The following GMDS variants were observed in gnomAD, a reference collection of about 807,000 sequenced individuals.
The protein encoded by GMDS is GDP-mannose 4,6 dehydratase.
Under a neutral mutation model 49.9 loss-of-function variants are expected in GMDS, and 20 were observed. The observed-to-expected ratio is 0.40, with a 90% CI of 0.28 to 0.58. The LOEUF (loss-of-function observed/expected upper bound fraction) is 0.58, where lower values mean the gene tolerates loss of function less well. Among genes scored for constraint, GMDS ranks in the 20% least tolerant of loss-of-function variants. The pLI, the probability that GMDS is intolerant of heterozygous loss-of-function variation, is 0.42. For synonymous variants in GMDS, 177 were observed against 178.6 expected, an observed-to-expected ratio of 0.99 and a Z score of 0.07; for missense variants, 362 against 481.4, an observed-to-expected ratio of 0.75 and a Z score of 2.32.
intron 9 of GMDS, among the ~76,000 whole-genome samples, chr6:1,699,804 G>C (rs1581475852): frequency 6.6e-6 from 1 of 151,938 alleles, no homozygotes; most frequent in African/African-American, 2.4e-5. Flanking sequence ...ATTAGCATGG[G>C]GACTTCCTTG....
At chr6:1,868,374 T>A (rs373935851) in intron 7 of GMDS, among the ~76,000 whole-genome samples, 1 of 152,186 alleles carries the variant, frequency 6.6e-6, no homozygotes, top group South Asian at 2.1e-4. Flanking sequence ...GAACATATTT[T>A]CCTACATGGA....
At chr6:1,853,741 G>A (rs1314686647) in intron 7 of GMDS, among the ~76,000 whole-genome samples, 2 of 152,154 alleles carry the variant, frequency 1.3e-5, no homozygotes, top group African/African-American at 4.8e-5. Context: ...AATAGTCTGG[G>A]AGATAGAACC....
intron 1 of GMDS, among the ~76,000 whole-genome samples, chr6:2,136,308 C>A (rs1775996896): frequency 6.6e-6 from 1 of 152,154 alleles, no homozygotes; most frequent in Non-Finnish European, 1.5e-5. Context: ...TTCATGTACC[C>A]AACCTGTACC....
At chr6:2,039,920 T>G (rs1000058795) in intron 4 of GMDS, among the ~76,000 whole-genome samples, 1 of 152,224 alleles carries the variant, frequency 6.6e-6, no homozygotes, top group Non-Finnish European at 1.5e-5. Context: ...CATAACTGTA[T>G]GCGCTAGACT....
intron 9 of GMDS, among the ~76,000 whole-genome samples, chr6:1,656,911 G>A (rs1404107507): frequency 1.3e-5 from 2 of 152,092 alleles, no homozygotes; most frequent in Non-Finnish European, 2.9e-5. Flanking sequence ...TCTTCCCCAG[G>A]AGGCAATCTT....
chr6:2,019,075 G>A (rs1326487949), intron 4 of GMDS, among the ~76,000 whole-genome samples: 1 of 151,508 alleles, frequency 6.6e-6, no homozygotes, highest in Non-Finnish European at 1.5e-5. Context: ...GCATTTCCCT[G>A]ATGGTTAATA....
intron 7 of GMDS, among the ~76,000 whole-genome samples, chr6:1,792,288 TCA>T (rs991776311): frequency 6.6e-6 from 1 of 152,058 alleles, no homozygotes; most frequent in Non-Finnish European, 1.5e-5. Context: ...TATCATTTTC[TCA>T]CACTCTCCAA....
At chr6:2,110,654 G>T (rs1425008146) in intron 4 of GMDS, among the ~76,000 whole-genome samples, 2 of 152,170 alleles carry the variant, frequency 1.3e-5, no homozygotes, top group African/African-American at 4.8e-5. Flanking sequence ...ACAACTCTGT[G>T]AGGAAATCTC....
chr6:2,049,394 G>A (rs756186694), intron 4 of GMDS, among the ~76,000 whole-genome samples: 11 of 152,136 alleles, frequency 7.2e-5, no homozygotes, highest in South Asian at 2.1e-4. Flanking sequence ...AGAGGGCAAC[G>A]CTGTCTCATT....
intron 9 of GMDS, among the ~76,000 whole-genome samples, chr6:1,632,755 T>TG (rs1763034499): frequency 6.6e-6 from 1 of 152,170 alleles, no homozygotes; most frequent in African/African-American, 2.4e-5. Flanking sequence ...GGCACTTGCC[T>TG]GTGGTCCCAG....
intron 9 of GMDS, among the ~76,000 whole-genome samples, chr6:1,714,838 T>C (rs1403220794): frequency 2.0e-5 from 3 of 152,264 alleles, no homozygotes; most frequent in Admixed American, 2.0e-4. Context: ...TTTCCCACAA[T>C]GTGCATATGC....
intron 9 of GMDS, among the ~76,000 whole-genome samples, chr6:1,669,481 C>G (rs1418244458): frequency 6.6e-6 from 1 of 152,174 alleles, no homozygotes; most frequent in Non-Finnish European, 1.5e-5. Context: ...GTGGATGACA[C>G]CTTCCTATGT....
At chr6:2,189,925 C>T (rs1349243526) in intron 1 of GMDS, among the ~76,000 whole-genome samples, 2 of 150,352 alleles carry the variant, frequency 1.3e-5, no homozygotes, top group East Asian at 2.0e-4. Flanking sequence ...GTAGTAAGAG[C>T]GTTTCTGTTT....
chr6:1,971,086 T>C (rs2628460), intron 4 of GMDS, among the ~76,000 whole-genome samples: 95,193 of 151,646 alleles, frequency 0.63, 29,976 homozygotes, highest in East Asian at 0.67. Context: ...AAAGGAGAGA[T>C]AAATGCACCG....
chr6:2,048,078 A>G (rs1770135534), intron 4 of GMDS, among the ~76,000 whole-genome samples: 1 of 152,216 alleles, frequency 6.6e-6, no homozygotes. Flanking sequence ...GCCATTATTC[A>G]TGTGTACACA....
Position 2,142,799 on chromosome 6 carries a change from T to C in GMDS, c.103-18068A>G, listed in dbSNP as rs1581706505. Among the ~76,000 whole-genome samples, 3 of 152,212 alleles carry C rather than the reference T, an allele frequency of 2.0e-5. No individual in the cohort carries two copies. The Middle Eastern group carries it at 0.01, about 518-fold the overall frequency. On this transcript the variant is annotated intron_variant, in intron 1 of 10. Coordinates refer to ENST00000380815, the MANE Select transcript of GMDS (RefSeq NM_001500.4). Reference sequence around the variant, plus strand: ...AGTTTGGAGGAAAGAGTTTCCACTCTTTGCACCTCTAGTTAACTGTCAGGA... The same window carrying C: ...AGTTTGGAGGAAAGAGTTTCCACTCCTTGCACCTCTAGTTAACTGTCAGGA...
intron 7 of GMDS, among the ~76,000 whole-genome samples, chr6:1,763,690 C>T (rs1768242521): frequency 6.6e-6 from 1 of 152,072 alleles, no homozygotes; most frequent in South Asian, 2.1e-4. Context: ...TCCGGTTTGC[C>T]CAGGGGGAAC....
chr6:1,687,957 T>C (rs189547319), intron 9 of GMDS, among the ~76,000 whole-genome samples: 5 of 152,036 alleles, frequency 3.3e-5, no homozygotes, highest in Non-Finnish European at 7.4e-5. Context: ...CACAGGTGGG[T>C]TCTGAATGAG....
At chr6:1,661,286 G>A (rs1477078017) in intron 9 of GMDS, among the ~76,000 whole-genome samples, 6 of 152,154 alleles carry the variant, frequency 3.9e-5, no homozygotes, top group African/African-American at 1.4e-4. Context: ...TTAGATCCTA[G>A]TTGTAATCAG....
Sources: allele counts gnomAD v4.1 joint callset (sites outside exome capture counted in the v4.1 genomes callset), GRCh38; gene constraint gnomAD v4.1.1; transcripts MANE v1.5; gene names NCBI Gene and HGNC (gene_info 2026-07-23, HGNC 2026-07-21).